Variants in VIM observed in about 807,000 individuals in gnomAD.
VIM encodes epididymis secretory sperm binding protein.
Under a neutral mutation model 50.3 loss-of-function variants are expected in VIM, and 18 were observed. The ratio of observed to expected loss-of-function variants is 0.36; its 90% CI spans 0.25 to 0.53. The LOEUF (loss-of-function observed/expected upper bound fraction) is 0.53, where lower values mean the gene tolerates loss of function less well. Ranked by LOEUF, VIM falls within the 20% of genes least tolerant of loss-of-function variation. The probability of loss-of-function intolerance (pLI) is 0.91; values close to 1 mark genes in which losing one functional copy is unlikely to be tolerated. For missense variants in VIM, 551 were observed against 614.7 expected (o/e 0.90, Z 1.10); for synonymous variants, 245 against 248.5 (o/e 0.99, Z 0.13).
rs201140509 is a variant in VIM at position 17,233,575 on chromosome 10, T to C, written c.625-12T>C. The C allele has an allele frequency of 2.0e-4, 317 of 1,613,538 alleles. No homozygotes were observed. The highest frequency in any genetic ancestry group is 2.5e-4 in the Non-Finnish European group (292 of 1,179,538). Reference sequence around the variant, plus strand: ...CATCCTCCATGTCCTGTCTTTTCTCTGTTCAAAATAGGATGTTGACAATGC... The same window carrying C: ...CATCCTCCATGTCCTGTCTTTTCTCCGTTCAAAATAGGATGTTGACAATGC... On this transcript the variant is annotated splice_polypyrimidine_tract_variant and intron_variant, in intron 3 of 9. Coordinates refer to ENST00000544301, the MANE Select transcript of VIM (RefSeq NM_003380.5).
At chr10:17,234,606 A>G (rs1222997635) in intron 5 of VIM, 87 bp from the exon 6 acceptor site, 4 of 1,584,998 alleles carry the variant, frequency 2.5e-6, no homozygotes, top group South Asian at 1.1e-5. Flanking sequence ...ACTGGAAGAC[A>G]TTCAGTGAGA....
At chr10:17,235,698 T>C in intron 7 of VIM, 148 bp from the exon 8 acceptor site, 2 of 831,396 alleles carry the variant, frequency 2.4e-6, no homozygotes, top group Non-Finnish European at 4.0e-6. Context: ...AGACCAGTCA[T>C]GGGAAAATGT....
rs756711607 is a variant in VIM at position 17,229,525 on chromosome 10, A to G, written c.103A>G (p.Thr35Ala). ...SSSRSYVTTSTRTYSLGSALR... is the reference protein window; with the variant it reads ...SSSRSYVTTSARTYSLGSALR... ...CAGCCGGAGCTACGTGACTACGTCC[A>G]CCCGCACCTACAGCCTGGGCAGCGC... Residue 35 changes from threonine to alanine, a missense_variant, in exon 2 of 10, where the codon ACC becomes GCC. Coordinates refer to ENST00000544301, the MANE Select transcript of VIM (RefSeq NM_003380.5). 9.3e-6 allele frequency: 15 copies of G among 1,607,536 alleles called. No individual in the cohort carries two copies. In the East Asian group the frequency reaches 2.9e-4, roughly 31 times the overall value.
In VIM at chr10:17,237,334, T is replaced by C; in HGVS notation, c.*63T>C. 6.6e-7 allele frequency: 1 copy of C among 1,525,178 alleles called. No homozygotes were observed. The highest frequency in any genetic ancestry group is 1.8e-5 in the Admixed American group (1 of 54,548). 94.5% of individuals were successfully genotyped at this position (1,525,178 alleles called of 1,614,324 possible). A position where few individuals can be genotyped will look rare whatever the true frequency, so the allele number is the denominator to read the frequency against. On this transcript the variant is annotated 3_prime_UTR_variant, in exon 10 of 10. Transcript: ENST00000544301. ...AAGAATAAAAAAGAAATCCATATCT[T>C]AAAGAAACAGCTTTCAAGTGCCTTT...
At chr10:17,235,674 T>A in intron 7 of VIM, 172 bp from the exon 8 acceptor site, 1 of 741,324 alleles carries the variant, frequency 1.3e-6, no homozygotes, top group Non-Finnish European at 2.3e-6. Flanking sequence ...TAACATATTT[T>A]AAATGTACTA....
intron 7 of VIM, 144 bp from the exon 8 acceptor site, chr10:17,235,702 A>T (rs1846875366): frequency 1.2e-6 from 1 of 855,786 alleles, no homozygotes; most frequent in Admixed American, 2.0e-5. Flanking sequence ...CAGTCATGGG[A>T]AAATGTTTCT....
intron 5 of VIM, 98 bp from the exon 6 acceptor site, chr10:17,234,595 T>C: frequency 5.1e-6 from 8 of 1,565,934 alleles, no homozygotes; most frequent in South Asian, 4.5e-5. Context: ...TTTAAACCTA[T>C]ACTGGAAGAC....
chr10:17,237,438 T>A lies in VIM; in HGVS notation c.*167T>A. ...CTTAACAACCGACACTCCTACAAGA[T>A]TTAGAAAAAAGTTTACAACATAATC... On this transcript the variant is annotated 3_prime_UTR_variant, in exon 10 of 10. Coordinates refer to ENST00000544301, the MANE Select transcript of VIM (RefSeq NM_003380.5). The A allele has an allele frequency of 3.1e-6, 2 of 646,782 alleles. No individual in the cohort carries two copies. The highest frequency in any genetic ancestry group is 1.8e-5 in the African/African-American group (1 of 54,326). 40.1% of individuals were successfully genotyped at this position (646,782 alleles called of 1,614,324 possible).
rs531674516 is a variant in VIM, at chr10:17,228,985, C to T, written c.-147-291C>T. 3 of 225,856 alleles carry T rather than the reference C, an allele frequency of 1.3e-5. No homozygotes were observed. In the South Asian group the frequency reaches 1.7e-4, roughly 13 times the overall value. 14.0% of individuals were successfully genotyped at this position (225,856 alleles called of 1,614,324 possible). On this transcript the variant is annotated intron_variant, in intron 1 of 9. Transcript: ENST00000544301. ...CCCCTCTGGTTCAGTCCCAGGCGGACCCCCCCCTCACCGCGCGACCCCGCC... is the reference window on the plus strand; with the variant it reads ...CCCCTCTGGTTCAGTCCCAGGCGGATCCCCCCCTCACCGCGCGACCCCGCC...
chr10:17,231,698 C>G (rs1278936329), intron 3 of VIM, among the ~76,000 whole-genome samples: 1 of 151,486 alleles, frequency 6.6e-6, no homozygotes, highest in Non-Finnish European at 1.5e-5. Flanking sequence ...CTTTAGCACT[C>G]TTGCCATAAA....
rs755242950 is a variant in VIM, at chr10:17,229,438, G to A, written c.16G>A (p.Val6Met). The change falls in exon 2 of 10, where the codon GTG (valine) becomes ATG (methionine). Residue 6 changes from valine (V) to methionine (M), a missense_variant. By Grantham distance (21) the Val-to-Met change is conservative (BLOSUM62 1). Coordinates refer to ENST00000544301, the MANE Select transcript of VIM (RefSeq NM_003380.5). ...CTCCGCAGCCATGTCCACCAGGTCC[G>A]TGTCCTCGTCCTCCTACCGCAGGAT... The part of the protein sequence containing the change: MSTRS[V>M]SSSSYRRMFG... The A allele has an allele frequency of 3.1e-6, 5 of 1,605,566 alleles. No homozygotes were observed. In the South Asian group the frequency reaches 3.3e-5, roughly 11 times the overall value.
chr10:17,236,502 T>A, intron 9 of VIM, 123 bp downstream of exon 9: 1 of 834,342 alleles, frequency 1.2e-6, no homozygotes, highest in Admixed American at 1.9e-5. Flanking sequence ...CATTCATGCC[T>A]ACTAAAAAAA....
At position 17,233,867 on chromosome 10, in the gene VIM, G is replaced by A. The variant is rs371176373; in HGVS notation, c.818G>A (p.Arg273His). 1 of 1,614,160 alleles carries A rather than the reference G, an allele frequency of 6.2e-7. No individual in the cohort carries two copies. Among genetic ancestry groups the A allele is most frequent in the Non-Finnish European group, 8.5e-7 (1 of 1,180,026 alleles). ...PDLTAALRDV[R>H]QQYESVAAKN... ...CTCACGGCTGCCCTGCGTGACGTACGTCAGCAATATGAAAGTGTGGCTGCC... is the reference window on the plus strand; with the variant it reads ...CTCACGGCTGCCCTGCGTGACGTACATCAGCAATATGAAAGTGTGGCTGCC... Residue 273 changes from arginine to histidine, a missense_variant, in exon 5 of 10, where the codon CGT (arginine) becomes CAT (histidine). Arg to His is a conservative substitution (Grantham distance 29, BLOSUM62 0). This residue lies in a region of VIM where 394 missense variants were observed against 437.5 expected (regional missense o/e 0.90). Transcript: ENST00000544301.
intron 2 of VIM, chr10:17,230,198 C>G: frequency 1.6e-6 from 1 of 628,458 alleles, no homozygotes; most frequent in Non-Finnish European, 2.7e-6. Context: ...CCTCTGTCCC[C>G]ACACATTGCC....
Position 17,236,223 on chromosome 10 carries a change from G to A in VIM, c.1274-71G>A, listed in dbSNP as rs181625679. 3,959 of 1,185,822 alleles carry A rather than the reference G, an allele frequency of 3.3e-3. 14 individuals carry two copies. Among genetic ancestry groups the A allele is most frequent in the Non-Finnish European group, 4.3e-3 (3,413 of 790,420 alleles). 73.5% of individuals were successfully genotyped at this position (1,185,822 alleles called of 1,614,324 possible). A position where few individuals can be genotyped will look rare whatever the true frequency, so the allele number is the denominator to read the frequency against. ...TCCCCCACAAATCATAATTGTTTCA[G>A]TAAAATGGTTACTTGGTTTTTCCAA... On this transcript the variant is annotated intron_variant, in intron 8 of 9. Transcript: ENST00000544301.
At chr10:17,230,973 G>T (rs1443252866) in intron 3 of VIM, 2 of 434,988 alleles carry the variant, frequency 4.6e-6, no homozygotes, top group Non-Finnish European at 8.5e-6. Context: ...CGAGATCTTG[G>T]CTCACTGCAT....
chr10:17,232,860 A>G (rs1846820314), intron 3 of VIM, among the ~76,000 whole-genome samples: 1 of 152,248 alleles, frequency 6.6e-6, no homozygotes, highest in South Asian at 2.1e-4. Flanking sequence ...GTCCACCTCT[A>G]TCATCATGTT....
chr10:17,228,553 C>T (rs1488976934), intron 1 of VIM, 29 bp downstream of exon 1: 2 of 152,492 alleles, frequency 1.3e-5, no homozygotes, highest in East Asian at 3.9e-4. Flanking sequence ...CTAAGCGACC[C>T]CACCCCTCTC....
intron 3 of VIM, 138 bp downstream of exon 3, chr10:17,230,848 G>A: frequency 2.2e-6 from 2 of 907,400 alleles, no homozygotes; most frequent in South Asian, 2.7e-5. Context: ...GTGGCGGGAA[G>A]ACCACAGGTT....
Sources: allele counts gnomAD v4.1 joint callset (sites outside exome capture counted in the v4.1 genomes callset), GRCh38; gene constraint gnomAD v4.1.1; regional missense constraint gnomAD v4.1.1; transcripts MANE v1.5; gene names NCBI Gene and HGNC (gene_info 2026-07-23, HGNC 2026-07-21).